The following CADM2 variants were observed in gnomAD, a reference collection of about 807,000 sequenced individuals.
The protein encoded by CADM2 is cell adhesion molecule 2, also known as immunoglobulin superfamily member 4D.
In CADM2, 12 loss-of-function variants were observed where a neutral mutation model predicts 49.8. That is an observed-to-expected ratio of 0.24 (90% CI 0.15 to 0.39). CADM2 has a LOEUF of 0.39. Among genes scored for constraint, CADM2 ranks in the 10% least tolerant of loss-of-function variants. The pLI, the probability that CADM2 is intolerant of heterozygous loss-of-function variation, is 1.00. For missense variants in CADM2, 378 were observed against 492.3 expected (o/e 0.77, Z 2.20); for synonymous variants, 214 against 175.4 (o/e 1.22, Z -1.74).
intron 6 of CADM2, among the ~76,000 whole-genome samples, chr3:85,921,345 A>AT (rs1159629778): frequency 6.6e-6 from 1 of 151,700 alleles, no homozygotes; most frequent in Non-Finnish European, 1.5e-5. Context: ...CATACACACA[A>AT]TTTCCATGAG....
At chr3:85,112,837 GA>G (rs569820317) in intron 1 of CADM2, among the ~76,000 whole-genome samples, 3 of 151,122 alleles carry the variant, frequency 2.0e-5, no homozygotes, top group Non-Finnish European at 4.4e-5. Flanking sequence ...AATTATAAAG[GA>G]AAAAAATCAA....
intron 1 of CADM2, among the ~76,000 whole-genome samples, chr3:85,380,558 G>C (rs983998148): frequency 6.6e-6 from 1 of 151,772 alleles, no homozygotes; most frequent in Non-Finnish European, 1.5e-5. Context: ...TGATATACTT[G>C]AAATAATGCC....
intron 1 of CADM2, among the ~76,000 whole-genome samples, chr3:84,976,304 G>T (rs1293751294): frequency 6.6e-6 from 1 of 151,462 alleles, no homozygotes; most frequent in Non-Finnish European, 1.5e-5. Flanking sequence ...CAAGAAAGTA[G>T]AAAGTATTTA....
intron 1 of CADM2, among the ~76,000 whole-genome samples, chr3:85,419,081 T>C (rs2036043426): frequency 6.6e-6 from 1 of 152,156 alleles, no homozygotes; most frequent in Admixed American, 6.5e-5. Flanking sequence ...TGAAGATTCA[T>C]ATTTCCACAT....
intron 3 of CADM2, among the ~76,000 whole-genome samples, chr3:85,847,904 T>G (rs1338936673): frequency 6.6e-6 from 1 of 152,206 alleles, no homozygotes; most frequent in Non-Finnish European, 1.5e-5. Context: ...TCTAGCCACC[T>G]ATTTTTTTCT....
At chr3:85,696,044 G>C (rs778133780) in intron 1 of CADM2, among the ~76,000 whole-genome samples, 4 of 151,872 alleles carry the variant, frequency 2.6e-5, no homozygotes, top group Admixed American at 2.0e-4. Flanking sequence ...TTTTTCATAT[G>C]TTTATTTTCC....
At chr3:85,180,841 A>G (rs2040916279) in intron 1 of CADM2, among the ~76,000 whole-genome samples, 1 of 152,106 alleles carries the variant, frequency 6.6e-6, no homozygotes. Context: ...ATCACACAAT[A>G]CTCCTTGAAA....
intron 8 of CADM2, among the ~76,000 whole-genome samples, chr3:85,988,919 A>G (rs533217744): frequency 4.9e-4 from 75 of 152,280 alleles, no homozygotes; most frequent in South Asian, 1.0e-3. Flanking sequence ...ATGAAATTAC[A>G]TCAGAGTCAT....
At chr3:85,635,204 A>G (rs1167321559) in intron 1 of CADM2, among the ~76,000 whole-genome samples, 2 of 152,124 alleles carry the variant, frequency 1.3e-5, no homozygotes, top group Non-Finnish European at 2.9e-5. Context: ...TGAAAATGGT[A>G]AGGATCACAT....
chr3:85,707,393 C>CTTTT (rs34006416), intron 1 of CADM2, among the ~76,000 whole-genome samples: 67 of 128,624 alleles, frequency 5.2e-4, no homozygotes, highest in African/African-American at 1.7e-3. Flanking sequence ...ATCATTGTAT[C>CTTTT]TTTTTTTTTT....
chr3:85,007,793 T>C (rs2033806222), intron 1 of CADM2, among the ~76,000 whole-genome samples: 1 of 152,188 alleles, frequency 6.6e-6, no homozygotes, highest in Non-Finnish European at 1.5e-5. Context: ...AGATTCTTAA[T>C]GAATTTGGTA....
intron 1 of CADM2, among the ~76,000 whole-genome samples, chr3:85,121,467 C>T (rs1295323459): frequency 6.6e-6 from 1 of 152,018 alleles, no homozygotes; most frequent in African/African-American, 2.4e-5. Flanking sequence ...GGAAAGTGAT[C>T]TGCAAAGGAT....
intron 1 of CADM2, among the ~76,000 whole-genome samples, chr3:85,120,124 A>G: frequency 6.6e-6 from 1 of 152,230 alleles, no homozygotes. Context: ...TGCAAATCAA[A>G]ACCACAATGA....
intron 7 of CADM2, among the ~76,000 whole-genome samples, chr3:85,939,902 G>A (rs915665587): frequency 5.3e-5 from 8 of 149,750 alleles, no homozygotes; most frequent in Non-Finnish European, 1.0e-4. Flanking sequence ...ATAGCAACTA[G>A]TGAGGTGTTT....
intron 3 of CADM2, among the ~76,000 whole-genome samples, chr3:85,811,014 A>T (rs1387399189): frequency 6.6e-6 from 1 of 152,180 alleles, no homozygotes; most frequent in Non-Finnish European, 1.5e-5. Flanking sequence ...ATATGCTATA[A>T]ATTTTGGCAG....
intron 2 of CADM2, among the ~76,000 whole-genome samples, chr3:85,775,979 T>A (rs1187666214): frequency 3.9e-5 from 6 of 151,994 alleles, no homozygotes; most frequent in African/African-American, 1.4e-4. Flanking sequence ...AATTCATTGA[T>A]CTAGAAAATT....
intron 5 of CADM2, among the ~76,000 whole-genome samples, chr3:85,891,794 A>G (rs1215781575): frequency 6.6e-6 from 1 of 152,246 alleles, no homozygotes; most frequent in Non-Finnish European, 1.5e-5. Flanking sequence ...TTAATTTACT[A>G]ACAATCAGAG....
intron 1 of CADM2, among the ~76,000 whole-genome samples, chr3:85,079,021 T>C (rs1448079478): frequency 6.6e-6 from 1 of 151,868 alleles, no homozygotes; most frequent in Non-Finnish European, 1.5e-5. Context: ...TTAGTGGTTA[T>C]ATTGTTTTGC....
chr3:86,073,201 A>G lies in CADM2; in HGVS notation c.*6418A>G, dbSNP rs925562678. On this transcript the variant is annotated 3_prime_UTR_variant, in exon 10 of 10. Transcript: ENST00000383699. ...AAAATAATTTAAAGACTTATCTCTG[A>G]AAACGGTATCCAGAAACGCAGGTGT... 6.6e-6 allele frequency: 1 copy of G among 152,088 alleles called. No individual in the cohort carries two copies. Among genetic ancestry groups the G allele is most frequent in the Non-Finnish European group, 1.5e-5 (1 of 67,942 alleles). 9.4% of individuals were successfully genotyped at this position (152,088 alleles called of 1,614,324 possible). A position where few individuals can be genotyped will look rare whatever the true frequency, so the allele number is the denominator to read the frequency against.
Sources: allele counts gnomAD v4.1 joint callset (sites outside exome capture counted in the v4.1 genomes callset), GRCh38; gene constraint gnomAD v4.1.1; transcripts MANE v1.5; gene names NCBI Gene and HGNC (gene_info 2026-07-23, HGNC 2026-07-21).